ATP8A2: variants seen among roughly 807,000 people sequenced by gnomAD.
The protein encoded by ATP8A2 is ATPase phospholipid transporting 8A2.
ATP8A2 carries 100 observed loss-of-function variants against 165.6 expected under a neutral mutation model. The observed-to-expected ratio is 0.60, with a 90% CI of 0.51 to 0.71. The LOEUF is 0.71. ATP8A2 is among the 30% of genes least tolerant of loss of function. The pLI, the probability that ATP8A2 is intolerant of heterozygous loss-of-function variation, is 0.00. For missense variants in ATP8A2, 1,227 were observed against 1,479.5 expected (o/e 0.83, Z 2.80); for synonymous variants, 543 against 548.8 (o/e 0.99, Z 0.15).
At chr13:25,681,442 GGT>G (rs1316964187) in intron 24 of ATP8A2, among the ~76,000 whole-genome samples, 2 of 152,190 alleles carry the variant, frequency 1.3e-5, no homozygotes, top group Non-Finnish European at 2.9e-5. Context: ...GGAGTTGGCA[GGT>G]ATATAATTCT....
chr13:25,632,809 A>T (rs1170096114), intron 24 of ATP8A2, among the ~76,000 whole-genome samples: 8 of 151,662 alleles, frequency 5.3e-5, no homozygotes, highest in Non-Finnish European at 1.2e-4. Context: ...GGTGCCTTTT[A>T]CTCCTCCAGC....
intron 1 of ATP8A2, among the ~76,000 whole-genome samples, chr13:25,386,289 G>A (rs1260900052): frequency 3.3e-5 from 5 of 152,098 alleles, no homozygotes; most frequent in African/African-American, 4.8e-5. Context: ...AGTTGTTCCC[G>A]AGAAACAAAA....
chr13:25,453,212 C>T (rs560585649), intron 1 of ATP8A2, among the ~76,000 whole-genome samples: 23 of 151,854 alleles, frequency 1.5e-4, no homozygotes, highest in African/African-American at 5.3e-4. Context: ...CTGCAACCTC[C>T]ACCTCCTGGG....
intron 24 of ATP8A2, among the ~76,000 whole-genome samples, chr13:25,610,056 C>G (rs532996193): frequency 1.3e-5 from 2 of 152,058 alleles, no homozygotes; most frequent in Non-Finnish European, 2.9e-5. Context: ...TTCTCCCATT[C>G]TGTGGGTTGT....
intron 35 of ATP8A2, 22 bp downstream of exon 35, chr13:25,968,701 C>G (rs781415475): frequency 1.9e-6 from 3 of 1,579,632 alleles, no homozygotes; most frequent in South Asian, 1.1e-5. Context: ...CGTCCCAGTC[C>G]GCACAGAACA....
intron 24 of ATP8A2, among the ~76,000 whole-genome samples, chr13:25,594,982 G>GTATATATATATATATA (rs1275140289): frequency 2.4e-5 from 2 of 82,512 alleles, no homozygotes; most frequent in African/African-American, 9.3e-5. Flanking sequence ...GTGTGTGTGT[G>GTATATATATATATATA]TGTATATATA....
intron 33 of ATP8A2, among the ~76,000 whole-genome samples, chr13:25,873,376 TGGAA>T (rs1179653340): frequency 6.6e-6 from 1 of 152,234 alleles, no homozygotes; most frequent in Non-Finnish European, 1.5e-5. Flanking sequence ...TCCTGAATGT[TGGAA>T]GGAAGAGGTC....
chr13:25,929,933 G>T (rs957572733), intron 33 of ATP8A2, among the ~76,000 whole-genome samples: 3 of 152,136 alleles, frequency 2.0e-5, no homozygotes, highest in Admixed American at 6.5e-5. Flanking sequence ...TCCCGAACGT[G>T]AACTCCCAAA....
chr13:25,397,938 G>A (rs541309582), intron 1 of ATP8A2, among the ~76,000 whole-genome samples: 14 of 152,296 alleles, frequency 9.2e-5, no homozygotes, highest in African/African-American at 2.9e-4. Flanking sequence ...TGAAGGCAGC[G>A]GGAAGAAATG....
intron 23 of ATP8A2, among the ~76,000 whole-genome samples, chr13:25,584,689 T>TA (rs2039871911): frequency 6.6e-6 from 1 of 152,232 alleles, no homozygotes. Flanking sequence ...GGCTCTTGAC[T>TA]TCTGGTGTGG....
chr13:25,653,605 A>G (rs2041863314), intron 24 of ATP8A2, among the ~76,000 whole-genome samples: 1 of 152,350 alleles, frequency 6.6e-6, no homozygotes, highest in Non-Finnish European at 1.5e-5. Flanking sequence ...ACTTTAAAAT[A>G]AAAGTTAAAT....
chr13:25,834,412 G>A (rs182829212), intron 28 of ATP8A2, among the ~76,000 whole-genome samples: 118 of 152,158 alleles, frequency 7.8e-4, no homozygotes, highest in Non-Finnish European at 1.4e-3. Context: ...TCTTCCCATA[G>A]AGATAAAAGA....
intron 33 of ATP8A2, among the ~76,000 whole-genome samples, chr13:25,937,849 A>C (rs1198697493): frequency 7.9e-5 from 1 of 12,670 alleles, no homozygotes. Flanking sequence ...ACTCCGTCTC[A>C]AAAAAAAAAA....
chr13:25,897,545 G>A (rs187160277), intron 33 of ATP8A2, among the ~76,000 whole-genome samples: 311 of 152,222 alleles, frequency 2.0e-3, no homozygotes, highest in African/African-American at 7.2e-3. Context: ...TATCTTTGTG[G>A]CGTTCTCTGT....
intron 27 of ATP8A2, among the ~76,000 whole-genome samples, chr13:25,791,899 C>T (rs2045189601): frequency 6.6e-6 from 1 of 152,140 alleles, no homozygotes; most frequent in Admixed American, 6.5e-5. Flanking sequence ...CGTATATGCT[C>T]ACCTTTTTTT....
At chr13:25,564,090 T>C in intron 16 of ATP8A2, 59 bp downstream of exon 16, 1 of 1,217,920 alleles carries the variant, frequency 8.2e-7, no homozygotes, top group South Asian at 1.2e-5. Context: ...CTTTCTTTTA[T>C]ATATGCATGT....
chr13:25,545,497 A>T (rs1288428190), intron 10 of ATP8A2, among the ~76,000 whole-genome samples: 1 of 150,676 alleles, frequency 6.6e-6, no homozygotes, highest in African/African-American at 2.5e-5. Flanking sequence ...ACATAGTGAG[A>T]CCCCATTTCA....
chr13:26,016,162 T>A (rs1228491587), intron 36 of ATP8A2, among the ~76,000 whole-genome samples: 2 of 152,216 alleles, frequency 1.3e-5, no homozygotes, highest in Non-Finnish European at 2.9e-5. Context: ...CACTCTTGAA[T>A]TGTAGAGTCC....
chr13:25,887,735 G>A (rs1003804599), intron 33 of ATP8A2, among the ~76,000 whole-genome samples: 1 of 152,204 alleles, frequency 6.6e-6, no homozygotes, highest in South Asian at 2.1e-4. Flanking sequence ...CCCTGAGCCA[G>A]GTGCTTTCTT....
Sources: allele counts gnomAD v4.1 joint callset (sites outside exome capture counted in the v4.1 genomes callset), GRCh38; gene constraint gnomAD v4.1.1; transcripts MANE v1.5; gene names NCBI Gene and HGNC (gene_info 2026-07-23, HGNC 2026-07-21).